OLFM3: variants seen among roughly 807,000 people sequenced by gnomAD.
OLFM3 encodes noelin-3.
A neutral mutation model predicts 48.6 loss-of-function variants in OLFM3; 20 were observed. The ratio of observed to expected loss-of-function variants is 0.41; its 90% CI spans 0.29 to 0.60. OLFM3 has a LOEUF of 0.60. OLFM3 is among the 20% of genes least tolerant of loss of function. OLFM3 has a pLI of 0.28. For synonymous variants in OLFM3, 222 were observed against 198.1 expected (o/e 1.12, Z -1.01); for missense variants, 437 against 544.3 (o/e 0.80, Z 1.96).
At chr1:101,969,768 G>A (rs1385422766) in intron 1 of OLFM3, among the ~76,000 whole-genome samples, 1 of 151,848 alleles carries the variant, frequency 6.6e-6, no homozygotes, top group Non-Finnish European at 1.5e-5. Context: ...ACTAAGATGT[G>A]TCCGTGTCTA....
At chr1:101,960,679 C>T (rs543981944) in intron 1 of OLFM3, among the ~76,000 whole-genome samples, 9 of 152,128 alleles carry the variant, frequency 5.9e-5, no homozygotes, top group African/African-American at 2.2e-4. Flanking sequence ...TTATAGATGA[C>T]TGACCACTCT....
At chr1:101,869,273 G>A (rs1486878871) in intron 1 of OLFM3, among the ~76,000 whole-genome samples, 1 of 152,208 alleles carries the variant, frequency 6.6e-6, no homozygotes, top group African/African-American at 2.4e-5. Context: ...CAAGAGCAGA[G>A]CTACCCAAGG....
chr1:101,995,995 A>T lies in OLFM3; in HGVS notation c.69+753T>A, dbSNP rs189390176. Among the ~76,000 whole-genome samples, 362 of 152,210 alleles carry T rather than the reference A, an allele frequency of 2.4e-3. 2 individuals carry two copies. The Middle Eastern group carries it at 0.041, about 17-fold the overall frequency. ...TTTGTCCATATTTTCCTGTCTTTTT[A>T]TCAAAGGAGTTTAGCGTTCACTTTC... is the stretch of plus-strand genomic sequence containing the variant. On this transcript the variant is annotated intron_variant, in intron 1 of 5. Coordinates refer to ENST00000370103, the MANE Select transcript of OLFM3 (RefSeq NM_058170.4).
intron 1 of OLFM3, among the ~76,000 whole-genome samples, chr1:101,969,723 C>T (rs1465380528): frequency 1.3e-5 from 2 of 151,546 alleles, no homozygotes; most frequent in African/African-American, 4.9e-5. Context: ...ATTTTTTTTC[C>T]CTCTTTGGGC....
chr1:101,832,543 T>C (rs1295521154), intron 2 of OLFM3, among the ~76,000 whole-genome samples: 1 of 152,186 alleles, frequency 6.6e-6, no homozygotes, highest in Non-Finnish European at 1.5e-5. Context: ...TTAAAACTAA[T>C]TGTGTTATGT....
intron 1 of OLFM3, among the ~76,000 whole-genome samples, chr1:101,868,457 C>T (rs552622979): frequency 6.6e-6 from 1 of 152,284 alleles, no homozygotes; most frequent in East Asian, 1.9e-4. Flanking sequence ...TGCCCCAGCC[C>T]TAAAGATCTG....
Position 101,803,398 on chromosome 1 carries a change from A to T in OLFM3, c.*840T>A, listed in dbSNP as rs1002563518. On this transcript the variant is annotated 3_prime_UTR_variant, in exon 6 of 6. Coordinates refer to ENST00000370103, the MANE Select transcript of OLFM3 (RefSeq NM_058170.4). ...TGCATTCAGTGGAGTGAACAGAGTA[A>T]CTCAGTTGTATGAAATCAGTTGTTG... The T allele has an allele frequency of 2.0e-5, 3 of 152,108 alleles. No homozygotes were observed. Among genetic ancestry groups the T allele is most frequent in the Non-Finnish European group, 4.4e-5 (3 of 67,782 alleles). 9.4% of individuals were successfully genotyped at this position (152,108 alleles called of 1,614,324 possible).
At chr1:101,966,317 T>TTTTGTGTG (rs371512942) in intron 1 of OLFM3, among the ~76,000 whole-genome samples, 3,199 of 128,052 alleles carry the variant, frequency 0.025, 47 homozygotes, top group South Asian at 0.056. Context: ...CCTGGCTAAT[T>TTTTGTGTG]TGTGTGTGTG....
intron 4 of OLFM3, 85 bp downstream of exon 4, chr1:101,824,941 A>G: frequency 2.6e-6 from 3 of 1,154,570 alleles, no homozygotes; most frequent in East Asian, 2.4e-5. Context: ...TAGATATTTT[A>G]TGACTCTTTA....
chr1:101,942,026 G>A (rs1265960741), intron 1 of OLFM3, among the ~76,000 whole-genome samples: 1 of 152,126 alleles, frequency 6.6e-6, no homozygotes, highest in East Asian at 1.9e-4. Context: ...AAGGTTCAGA[G>A]ATATGAAAAC....
rs186665065 is a variant in OLFM3 at position 101,872,755 on chromosome 1, A to G, written c.70-35730T>C. On this transcript the variant is annotated intron_variant, in intron 1 of 5. Coordinates refer to ENST00000370103, the MANE Select transcript of OLFM3 (RefSeq NM_058170.4). ...TTAAAATTTTGCATCTAATTACTAT[A>G]TTTTAGTAATGAAGATGAACATTTT... Among the ~76,000 whole-genome samples the G allele has an allele frequency of 2.0e-3, 307 of 152,080 alleles. 1 individual carries two copies. Among genetic ancestry groups the G allele is most frequent in the African/African-American group, 6.9e-3 (285 of 41,556 alleles).
At chr1:101,902,516 C>A (rs1019062635) in intron 1 of OLFM3, among the ~76,000 whole-genome samples, 1 of 151,842 alleles carries the variant, frequency 6.6e-6, no homozygotes, top group African/African-American at 2.4e-5. Context: ...GGAAATGAAA[C>A]TAAGAGGAAC....
chr1:101,879,947 C>T (rs1010232196), intron 1 of OLFM3, among the ~76,000 whole-genome samples: 5 of 151,794 alleles, frequency 3.3e-5, no homozygotes, highest in Non-Finnish European at 7.4e-5. Context: ...CCTCCATCTC[C>T]TAAAATCTGG....
chr1:101,814,038 A>T (rs950986370), intron 4 of OLFM3, among the ~76,000 whole-genome samples: 3 of 152,158 alleles, frequency 2.0e-5, no homozygotes, highest in Non-Finnish European at 2.9e-5. Flanking sequence ...TTTACTTTTC[A>T]CTGAGTAGGG....
In OLFM3 at chr1:101,963,715, G is replaced by C. The variant is rs550883743; in HGVS notation, c.69+33033C>G. The stretch of plus-strand genomic sequence containing the variant: ...TTTTTATATCATTGGTTTTGATAAG[G>C]AGACCAAAAGAGCTGGGGGGACATT... On this transcript the variant is annotated intron_variant, in intron 1 of 5. Coordinates refer to ENST00000370103, the MANE Select transcript of OLFM3 (RefSeq NM_058170.4). Among the ~76,000 whole-genome samples the C allele has an allele frequency of 8.1e-4, 124 of 152,198 alleles. 2 individuals carry two copies. The highest frequency in any genetic ancestry group is 3.4e-4 in the Non-Finnish European group (23 of 68,004).
rs567911644 is a variant in OLFM3 at position 101,809,595 on chromosome 1, C to T, written c.593-3413G>A. On this transcript the variant is annotated intron_variant, in intron 4 of 5. Coordinates refer to ENST00000370103, the MANE Select transcript of OLFM3 (RefSeq NM_058170.4). ...ACATCAGACAAGAAAATAGTGACTT[C>T]CTGTCCCAGAATGACAACTATGCAG... 2.0e-5 allele frequency among the ~76,000 whole-genome samples: 3 copies of T among 151,934 alleles called. No homozygotes were observed. The South Asian group carries it at 6.2e-4, about 32-fold the overall frequency.
At chr1:101,810,659 T>C (rs1654005276) in intron 4 of OLFM3, among the ~76,000 whole-genome samples, 1 of 151,976 alleles carries the variant, frequency 6.6e-6, no homozygotes, top group Non-Finnish European at 1.5e-5. Flanking sequence ...TGTGAATAGT[T>C]TGCAGAAGTG....
chr1:101,852,672 G>T (rs1656269331), intron 1 of OLFM3, among the ~76,000 whole-genome samples: 1 of 152,032 alleles, frequency 6.6e-6, no homozygotes, highest in Non-Finnish European at 1.5e-5. Flanking sequence ...TCCTGTTATG[G>T]CTCCCCAACC....
intron 1 of OLFM3, among the ~76,000 whole-genome samples, chr1:101,927,269 T>A (rs937536430): frequency 2.0e-5 from 3 of 152,142 alleles, no homozygotes; most frequent in Non-Finnish European, 4.4e-5. Context: ...TGATTCTGAC[T>A]TGTCTTTCGA....
Sources: allele counts gnomAD v4.1 joint callset (sites outside exome capture counted in the v4.1 genomes callset), GRCh38; gene constraint gnomAD v4.1.1; transcripts MANE v1.5; gene names NCBI Gene and HGNC (gene_info 2026-07-23, HGNC 2026-07-21).